The following GRAMD2A variants were observed in gnomAD, a reference collection of about 807,000 sequenced individuals.
GRAMD2A encodes the protein GRAM domain-containing protein 2A.
In GRAMD2A, 37 loss-of-function variants were observed where a neutral mutation model predicts 51.1. The observed-to-expected ratio is 0.72, with a 90% CI of 0.56 to 0.95. GRAMD2A has a LOEUF of 0.95. GRAMD2A is among the 40% of genes least tolerant of loss of function. The pLI, the probability that GRAMD2A is intolerant of heterozygous loss-of-function variation, is 0.00. For synonymous variants in GRAMD2A, 136 were observed against 157.1 expected, an observed-to-expected ratio of 0.87 and a Z score of 1.01; for missense variants, 414 against 426.9, an observed-to-expected ratio of 0.97 and a Z score of 0.27.
intron 1 of GRAMD2A, among the ~76,000 whole-genome samples, chr15:72,186,018 T>G (rs1479912536): frequency 6.6e-6 from 1 of 152,228 alleles, no homozygotes; most frequent in Admixed American, 6.5e-5. Context: ...AACTTCTGTA[T>G]ATCAAAATTT....
Position 72,162,261 on chromosome 15 carries a change from A to G in GRAMD2A, c.1061+12T>C, listed in dbSNP as rs201222152. On this transcript the variant is annotated intron_variant, in intron 11 of 11. Transcript: ENST00000309731. ...TCAATATCAAAGGCATTAGAAAGAG[A>G]AAAGGCCTCACCTGTGCCCAGGGAC... 2.4e-5 allele frequency: 38 copies of G among 1,583,864 alleles called. No homozygotes were observed. In the African/African-American group the frequency reaches 3.8e-4, roughly 16 times the overall value.
rs960962208 is a variant in GRAMD2A, at chr15:72,166,496, C to G, written c.543+136G>C. On this transcript the variant is annotated intron_variant, in intron 7 of 11. Coordinates refer to ENST00000309731, the MANE Select transcript of GRAMD2A (RefSeq NM_001012642.3). The surrounding 1 kb of genome is among the most constrained non-coding windows in gnomAD (Gnocchi z 4.1). ...CAAGTACTGTCTCTTGTACATTGAGCCTGAGCCTTTAACTCCCCTCTCCCT... is the reference window on the plus strand; with the variant it reads ...CAAGTACTGTCTCTTGTACATTGAGGCTGAGCCTTTAACTCCCCTCTCCCT... 4.8e-5 allele frequency: 33 copies of G among 688,200 alleles called. No individual in the cohort carries two copies. Among genetic ancestry groups the G allele is most frequent in the Admixed American group, 1.0e-4 (5 of 47,712 alleles). 42.6% of individuals were successfully genotyped at this position (688,200 alleles called of 1,614,324 possible).
intron 1 of GRAMD2A, among the ~76,000 whole-genome samples, chr15:72,181,400 C>T (rs2081696381): frequency 1.3e-5 from 2 of 152,122 alleles, no homozygotes; most frequent in South Asian, 4.1e-4. Context: ...ACAGGAATGA[C>T]TCGTGTTGTT....
Position 72,166,828 on chromosome 15 carries a change from T to C in GRAMD2A, c.472-125A>G. 9.3e-6 allele frequency: 9 copies of C among 970,296 alleles called. No individual in the cohort carries two copies. Among genetic ancestry groups the C allele is most frequent in the Non-Finnish European group, 1.5e-5 (9 of 614,696 alleles). 60.1% of individuals were successfully genotyped at this position (970,296 alleles called of 1,614,324 possible). A position where few individuals can be genotyped will look rare whatever the true frequency, so the allele number is the denominator to read the frequency against. On this transcript the variant is annotated intron_variant, in intron 6 of 11. Coordinates refer to ENST00000309731, the MANE Select transcript of GRAMD2A (RefSeq NM_001012642.3). This position sits in a 1 kb window ranked among gnomAD's most constrained non-coding sequence, Gnocchi z 4.1. ...TCAGGCCATGAGAGCCAACAGAAGC[T>C]CTGCCTAGGAACTTCTCTTCCAGCT...
chr15:72,192,899 C>T (rs1330125474), intron 1 of GRAMD2A, among the ~76,000 whole-genome samples: 2 of 152,006 alleles, frequency 1.3e-5, no homozygotes, highest in Non-Finnish European at 2.9e-5. Context: ...CCAAGGTGGG[C>T]GGATCACCTG....
intron 1 of GRAMD2A, among the ~76,000 whole-genome samples, chr15:72,172,179 C>T (rs998925583): frequency 1.3e-5 from 2 of 151,836 alleles, no homozygotes; most frequent in Admixed American, 6.6e-5. Flanking sequence ...AGTACAGTGG[C>T]GCAATCTTGG....
chr15:72,191,858 T>C (rs936003811), intron 1 of GRAMD2A, among the ~76,000 whole-genome samples: 5 of 152,120 alleles, frequency 3.3e-5, no homozygotes, highest in African/African-American at 1.2e-4. Context: ...GAGGAAACCA[T>C]AGACTAAAGA....
Position 72,168,994 on chromosome 15 carries a change from A to C in GRAMD2A, c.137T>G (p.Leu46Arg), listed in dbSNP as rs779411628. The C allele has an allele frequency of 6.2e-7, 1 of 1,614,048 alleles. No homozygotes were observed. The highest frequency in any genetic ancestry group is 2.2e-5 in the East Asian group (1 of 44,878). ...DRVEEPPDYS[L>R]HWPEGLKGEE... ...ACCCTTCAAGCCTTCTGGCCAGTGC[A>C]GACTGCAAAGGAGACATTCCATTTC... The change falls in exon 3 of 12, where the codon CTG (leucine) becomes CGG (arginine). Residue 46 changes from leucine (L) to arginine (R), a missense_variant and splice_region_variant. Coordinates refer to ENST00000309731, the MANE Select transcript of GRAMD2A (RefSeq NM_001012642.3).
At position 72,166,726 on chromosome 15, in the gene GRAMD2A, A is replaced by G; in HGVS notation, c.472-23T>C. ...ATACTGGGACATGGAAAGAAAACAG[A>G]CAGGGGTAGGGTGAGATGAGACTCC... On this transcript the variant is annotated intron_variant, in intron 6 of 11. Transcript: ENST00000309731. The surrounding 1 kb of genome is among the most constrained non-coding windows in gnomAD (Gnocchi z 4.1). 1 of 1,599,710 alleles carries G rather than the reference A, an allele frequency of 6.3e-7. No homozygotes were observed. The highest frequency in any genetic ancestry group is 8.6e-7 in the Non-Finnish European group (1 of 1,168,734).
In GRAMD2A at chr15:72,162,257, A is replaced by G; in HGVS notation, c.1061+16T>C. 1 of 1,572,600 alleles carries G rather than the reference A, an allele frequency of 6.4e-7. No homozygotes were observed. Among genetic ancestry groups the G allele is most frequent in the Non-Finnish European group, 8.7e-7 (1 of 1,143,956 alleles). On this transcript the variant is annotated intron_variant, in intron 11 of 11. Transcript: ENST00000309731. Reference sequence around the variant, plus strand: ...ACCCTCAATATCAAAGGCATTAGAAAGAGAAAAGGCCTCACCTGTGCCCAG... The same window carrying G: ...ACCCTCAATATCAAAGGCATTAGAAGGAGAAAAGGCCTCACCTGTGCCCAG...
intron 1 of GRAMD2A, among the ~76,000 whole-genome samples, chr15:72,177,363 C>A (rs911150228): frequency 6.6e-6 from 1 of 152,140 alleles, no homozygotes; most frequent in African/African-American, 2.4e-5. Context: ...GGAACCAGGC[C>A]CCCAGAACTA....
At position 72,163,472 on chromosome 15, in the gene GRAMD2A, C is replaced by A; in HGVS notation, c.750G>T (p.Lys250Asn). 2.5e-6 allele frequency: 4 copies of A among 1,613,540 alleles called. No individual in the cohort carries two copies. The highest frequency in any genetic ancestry group is 3.4e-6 in the Non-Finnish European group (4 of 1,179,712). The change falls in exon 10 of 12, where the codon AAG (lysine) becomes AAT (asparagine). Residue 250 changes from lysine (K) to asparagine (N), a missense_variant. Transcript: ENST00000309731. Reference sequence around the variant, plus strand: ...TTTCTGAAGCTACTTGGGCTCTTGACTTTTCTTTATGGATTGGGAGAAAAA... The same window carrying A: ...TTTCTGAAGCTACTTGGGCTCTTGAATTTTCTTTATGGATTGGGAGAAAAA... Reference protein sequence around the residue: ...FPSRKPPMSEKSRAQVASENG... With the variant: ...FPSRKPPMSENSRAQVASENG...
At chr15:72,184,369 G>A (rs2081720078) in intron 1 of GRAMD2A, among the ~76,000 whole-genome samples, 1 of 152,252 alleles carries the variant, frequency 6.6e-6, no homozygotes, top group African/African-American at 2.4e-5. Context: ...CCGCCCGGCT[G>A]GCCCCAGCTG....
rs1265696436 is a variant in GRAMD2A at position 72,169,506 on chromosome 15, C to G, written c.134+341G>C. The G allele has an allele frequency of 5.5e-6, 3 of 543,616 alleles. No individual in the cohort carries two copies. The African/African-American group carries it at 5.6e-5, about 10-fold the overall frequency. 33.7% of individuals were successfully genotyped at this position (543,616 alleles called of 1,614,324 possible). A position where few individuals can be genotyped will look rare whatever the true frequency, so the allele number is the denominator to read the frequency against. The stretch of plus-strand genomic sequence containing the variant: ...GTGGCCTGAGCTCTGCTGCGGGGAG[C>G]TTGGCACAGACTCACCTGACCTGGC... On this transcript the variant is annotated intron_variant, in intron 2 of 11. Transcript: ENST00000309731.
intron 5 of GRAMD2A, 99 bp from the exon 6 acceptor site, chr15:72,167,191 C>G: frequency 3.5e-6 from 3 of 857,680 alleles, no homozygotes; most frequent in African/African-American, 1.6e-5. Context: ...GCATGGCCAC[C>G]ATGGGGAAGC....
At chr15:72,193,910 A>G (rs2081787296) in intron 1 of GRAMD2A, among the ~76,000 whole-genome samples, 1 of 152,214 alleles carries the variant, frequency 6.6e-6, no homozygotes, top group South Asian at 2.1e-4. Context: ...TATATCCCTG[A>G]GAACAATGCC....
In GRAMD2A at chr15:72,166,969, G is replaced by C. The variant is rs763884241; in HGVS notation, c.471+25C>G. On this transcript the variant is annotated intron_variant, in intron 6 of 11. Coordinates refer to ENST00000309731, the MANE Select transcript of GRAMD2A (RefSeq NM_001012642.3). The surrounding 1 kb of genome is among the most constrained non-coding windows in gnomAD (Gnocchi z 4.1). ...AGGGCTGGGAGCGGGAGACTGACAA[G>C]GGAGCATGGGCCCAGTGCACTGACC... 8.9e-6 allele frequency: 14 copies of C among 1,572,532 alleles called. 1 individual carries two copies. The South Asian group carries it at 1.4e-4, about 16-fold the overall frequency.
intron 1 of GRAMD2A, among the ~76,000 whole-genome samples, chr15:72,197,498 C>T (rs2081817999): frequency 6.6e-6 from 1 of 152,182 alleles, no homozygotes; most frequent in Admixed American, 6.5e-5. Flanking sequence ...GCAGCAGACT[C>T]AGCCAAGACA....
intron 1 of GRAMD2A, among the ~76,000 whole-genome samples, chr15:72,188,607 C>T (rs1420350350): frequency 6.6e-6 from 1 of 152,100 alleles, no homozygotes; most frequent in South Asian, 2.1e-4. Context: ...AAAATTCTAA[C>T]ATTTTCCTCC....
Sources: gnomAD v4.1 joint callset for allele counts (sites outside exome capture counted in the v4.1 genomes callset) on GRCh38, gnomAD v4.1.1 for gene constraint, Gnocchi (gnomAD v3.1) non-coding constraint, MANE v1.5 for transcripts, NCBI Gene and HGNC (gene_info 2026-07-23, HGNC 2026-07-21) for gene names.